The following MOV10L1 variants were observed in gnomAD, a reference collection of about 807,000 sequenced individuals.
MOV10L1 encodes the protein RNA helicase Mov10l1.
A neutral mutation model predicts 143.8 loss-of-function variants in MOV10L1; 110 were observed. That is an observed-to-expected ratio of 0.76 (90% CI 0.66 to 0.90). MOV10L1 has a LOEUF of 0.90. Among genes scored for constraint, MOV10L1 ranks in the 40% least tolerant of loss-of-function variants. MOV10L1 has a pLI of 0.00. For missense variants in MOV10L1, 1,406 were observed against 1,526.8 expected (o/e 0.92, Z 1.32); for synonymous variants, 593 against 581.1 (o/e 1.02, Z -0.29).
chr22:50,132,254 C>T (rs1051346088), intron 13 of MOV10L1, among the ~76,000 whole-genome samples: 4 of 152,214 alleles, frequency 2.6e-5, no homozygotes, highest in African/African-American at 9.6e-5. Context: ...ATCAAGCCTC[C>T]AACTTTGTTC....
At chr22:50,143,727 C>T (rs143146667) in intron 17 of MOV10L1, among the ~76,000 whole-genome samples, 3 of 152,264 alleles carry the variant, frequency 2.0e-5, no homozygotes, top group South Asian at 4.1e-4. Context: ...GTCAAAAAAG[C>T]GTTAAGTCAA....
intron 15 of MOV10L1, among the ~76,000 whole-genome samples, chr22:50,136,828 C>G (rs1053498275): frequency 2.0e-5 from 3 of 152,172 alleles, no homozygotes; most frequent in Non-Finnish European, 4.4e-5. Context: ...AAAGAACCAG[C>G]TGGAAGGAGG....
intron 11 of MOV10L1, among the ~76,000 whole-genome samples, 195 bp from the exon 12 acceptor site, chr22:50,126,007 T>C (rs1056172899): frequency 3.3e-5 from 5 of 151,808 alleles, no homozygotes; most frequent in African/African-American, 1.2e-4. Context: ...TTAGCCAGGA[T>C]GGTCTCGATC....
At chr22:50,091,004 A>T (rs534235401) in intron 1 of MOV10L1, 1 of 173,902 alleles carries the variant, frequency 5.8e-6, no homozygotes. Context: ...GCTTCTCCCG[A>T]TGTTTCCTTA....
At chr22:50,116,889 C>G (rs2147164677) in intron 8 of MOV10L1, among the ~76,000 whole-genome samples, 1 of 152,174 alleles carries the variant, frequency 6.6e-6, no homozygotes, top group South Asian at 2.1e-4. Context: ...CTCCTGGGCT[C>G]AAGCGATCTG....
intron 15 of MOV10L1, among the ~76,000 whole-genome samples, chr22:50,138,820 C>T (rs1157263516): frequency 2.6e-5 from 4 of 152,106 alleles, no homozygotes; most frequent in African/African-American, 9.7e-5. Context: ...TCTCCTGCCT[C>T]GGCCTCCTGA....
Position 50,101,523 on chromosome 22 carries a change from T to G in MOV10L1, c.442+1921T>G, listed in dbSNP as rs1223670501. Reference sequence around the variant, plus strand: ...CCTGACCTTTTGTGGGTTTTGTTTTTTTTTTCTTTGTTTGAGACAGAGTTT... The same window carrying G: ...CCTGACCTTTTGTGGGTTTTGTTTTGTTTTTCTTTGTTTGAGACAGAGTTT... On this transcript the variant is annotated intron_variant, in intron 3 of 26. Transcript: ENST00000262794. Among the ~76,000 whole-genome samples, 11 of 151,774 alleles carry G rather than the reference T, an allele frequency of 7.2e-5. No homozygotes were observed. The South Asian group carries it at 1.3e-3, about 17-fold the overall frequency.
At chr22:50,145,069 A>C (rs4838810) in intron 18 of MOV10L1, among the ~76,000 whole-genome samples, 34,564 of 151,870 alleles carry the variant, frequency 0.23, 4,315 homozygotes, top group Admixed American at 0.35. Context: ...CAGCCTCCTA[A>C]GTACCTAGGA....
chr22:50,142,849 A>C (rs1232229859), intron 16 of MOV10L1, among the ~76,000 whole-genome samples, 194 bp from the exon 17 acceptor site: 1 of 152,042 alleles, frequency 6.6e-6, no homozygotes, highest in Non-Finnish European at 1.5e-5. Flanking sequence ...AAAGAAAAAA[A>C]AAATGCAAAC....
At chr22:50,136,074 C>G (rs1375467684) in intron 15 of MOV10L1, among the ~76,000 whole-genome samples, 1 of 152,140 alleles carries the variant, frequency 6.6e-6, no homozygotes, top group East Asian at 1.9e-4. Flanking sequence ...GTTTAGAATG[C>G]CTATACAATC....
intron 15 of MOV10L1, among the ~76,000 whole-genome samples, chr22:50,139,699 T>G (rs1425627012): frequency 6.6e-6 from 1 of 152,242 alleles, no homozygotes; most frequent in Non-Finnish European, 1.5e-5. Flanking sequence ...TTTTTTATAA[T>G]GGATCAAACA....
At position 50,093,571 on chromosome 22, in the gene MOV10L1, C is replaced by T. The variant is rs984038586; in HGVS notation, c.282+1386C>T. The T allele has an allele frequency of 2.6e-5, 4 of 152,000 alleles. No homozygotes were observed. In the South Asian group the frequency reaches 6.2e-4, roughly 24 times the overall value. The allele number at this position is 152,000 out of a possible 1,614,324, so 9.4% of individuals were successfully genotyped here. On this transcript the variant is annotated intron_variant, in intron 2 of 26. Coordinates refer to ENST00000262794, the MANE Select transcript of MOV10L1 (RefSeq NM_018995.3). The stretch of plus-strand genomic sequence containing the variant: ...TCGCCCAGGCTGGAGTATAGTAGTG[C>T]GATTATAGTTCACTGCAGCCTGGAA...
intron 10 of MOV10L1, among the ~76,000 whole-genome samples, chr22:50,123,182 G>A (rs2062399871): frequency 7.5e-6 from 1 of 133,522 alleles, no homozygotes; most frequent in African/African-American, 2.6e-5. Flanking sequence ...GGTGACAGAG[G>A]GAAACTCATG....
intron 15 of MOV10L1, among the ~76,000 whole-genome samples, chr22:50,137,039 A>C (rs1378052879): frequency 6.6e-6 from 1 of 152,204 alleles, no homozygotes; most frequent in Non-Finnish European, 1.5e-5. Context: ...GCTGTTCCCA[A>C]ATAATTGGAT....
intron 19 of MOV10L1, 51 bp from the exon 20 acceptor site, chr22:50,149,564 A>G (rs1491000903): frequency 3.2e-6 from 5 of 1,582,734 alleles, no homozygotes; most frequent in Admixed American, 3.4e-5. Context: ...AGAGGCATCA[A>G]TTGCTAAAAC....
rs149461660 is a variant in MOV10L1 at position 50,146,804 on chromosome 22, G to A, written c.2627+994G>A. On this transcript the variant is annotated intron_variant, in intron 19 of 26. Transcript: ENST00000262794. ...GCGTGTCACGGATGGTTTCATCGGC[G>A]CGTTTAACTCTCTCACATACATGAT... 1.4e-4 allele frequency among the ~76,000 whole-genome samples: 21 copies of A among 152,296 alleles called. No homozygotes were observed. The East Asian group carries it at 3.5e-3, about 25-fold the overall frequency.
In MOV10L1 at chr22:50,158,434, T is replaced by G; in HGVS notation, c.3216+228T>G. 3.7e-6 allele frequency: 2 copies of G among 536,556 alleles called. No individual in the cohort carries two copies. Among genetic ancestry groups the G allele is most frequent in the Admixed American group, 7.2e-5 (2 of 27,702 alleles). The allele number at this position is 536,556 out of a possible 1,614,324, so 33.2% of individuals were successfully genotyped here. A position where few individuals can be genotyped will look rare whatever the true frequency, so the allele number is the denominator to read the frequency against. ...TCTACGGCCAGAGCCTCGAACAGTT[T>G]TTACATTTCTAAATGGTTACATTTA... On this transcript the variant is annotated intron_variant, in intron 23 of 26. Transcript: ENST00000262794. This position sits in a 1 kb window ranked among gnomAD's most constrained non-coding sequence, Gnocchi z 5.0.
intron 22 of MOV10L1, among the ~76,000 whole-genome samples, chr22:50,155,706 C>T (rs1332013367): frequency 1.3e-5 from 2 of 152,148 alleles, no homozygotes; most frequent in African/African-American, 4.8e-5. Flanking sequence ...GAACTCCTGA[C>T]GTCATGATCT....
intron 2 of MOV10L1, chr22:50,094,793 G>T (rs2062547042): frequency 6.6e-6 from 1 of 151,922 alleles, no homozygotes; most frequent in Non-Finnish European, 1.5e-5. Context: ...ATTATAGTTA[G>T]TACCATCTAA....
Sources: gnomAD v4.1 joint callset for allele counts (sites outside exome capture counted in the v4.1 genomes callset) on GRCh38, gnomAD v4.1.1 for gene constraint, Gnocchi (gnomAD v3.1) non-coding constraint, MANE v1.5 for transcripts, NCBI Gene and HGNC (gene_info 2026-07-23, HGNC 2026-07-21) for gene names.